CSMD2: variants seen among roughly 807,000 people sequenced by gnomAD.
CSMD2 encodes CUB and Sushi multiple domains 2, also known as CUB and sushi domain-containing protein 2.
In CSMD2, 130 loss-of-function variants were observed where a neutral mutation model predicts 398.5. That is an observed-to-expected ratio of 0.33 (90% CI 0.28 to 0.38). The LOEUF (loss-of-function observed/expected upper bound fraction) is 0.38. Ranked by LOEUF, CSMD2 falls within the 10% of genes least tolerant of loss-of-function variation. CSMD2 has a pLI of 1.00. For missense variants in CSMD2, 3,829 were observed against 4,764.9 expected (o/e 0.80, Z 5.78); for synonymous variants, 1,828 against 1,908.5 (o/e 0.96, Z 1.10).
intron 60 of CSMD2, among the ~76,000 whole-genome samples, chr1:33,538,269 C>A (rs1655991392): frequency 6.6e-6 from 1 of 152,104 alleles, no homozygotes; most frequent in Non-Finnish European, 1.5e-5. Flanking sequence ...CTGAACACAT[C>A]CACAGCTCTT....
intron 2 of CSMD2, among the ~76,000 whole-genome samples, chr1:34,060,873 C>T (rs1430383899): frequency 6.6e-6 from 1 of 152,102 alleles, no homozygotes; most frequent in African/African-American, 2.4e-5. Flanking sequence ...TTCGTGGTCC[C>T]TGTTCCTCCC....
rs1283736318 is a variant in CSMD2, at chr1:33,537,577, G to C, written c.9664C>G (p.Arg3222Gly). Reference protein sequence around the residue: ...VFCGDPGVPSRGRREDRGFSY... With the variant: ...VFCGDPGVPSGGRREDRGFSY... ...AAGCCTCGGTCCTCTCTCCTCCCAC[G>C]GGACGGGACACCAGGATCCCCGCAG... The change falls in exon 61 of 71, where the codon CGT (arginine) becomes GGT (glycine). Residue 3222 changes from arginine to glycine, a missense_variant. By Grantham distance (125) the Arg-to-Gly change is moderately radical. This residue lies in a region of CSMD2 where 917 missense variants were observed against 1,199.5 expected (regional missense o/e 0.76). Transcript: ENST00000373381. The surrounding 1 kb of genome is among the most constrained non-coding windows in gnomAD (Gnocchi z 4.6). 1 of 1,614,020 alleles carries C rather than the reference G, an allele frequency of 6.2e-7. No individual in the cohort carries two copies. Among genetic ancestry groups the C allele is most frequent in the South Asian group, 1.1e-5 (1 of 91,062 alleles).
At chr1:33,573,550 G>T (rs1241024377) in intron 49 of CSMD2, among the ~76,000 whole-genome samples, 1 of 151,658 alleles carries the variant, frequency 6.6e-6, no homozygotes, top group African/African-American at 2.4e-5. Flanking sequence ...CAAACTCTTT[G>T]AAATGAAAAA....
rs191337235 is a variant in CSMD2, at chr1:34,100,209, A to T, written c.188-11016T>A. Among the ~76,000 whole-genome samples the T allele has an allele frequency of 3.9e-5, 6 of 152,290 alleles. No homozygotes were observed. In the East Asian group the frequency reaches 1.2e-3, roughly 29 times the overall value. On this transcript the variant is annotated intron_variant, in intron 1 of 70. Transcript: ENST00000373381. ...TTTAAAAAGGCAATGTGGACTTGTA[A>T]TATGCATAGATATGCACATACGCAA...
In CSMD2 at chr1:33,523,386, A is replaced by G. The variant is rs781410958; in HGVS notation, c.10430T>C (p.Leu3477Pro). The G allele has an allele frequency of 1.3e-6, 2 of 1,575,682 alleles. No individual in the cohort carries two copies. Among genetic ancestry groups the G allele is most frequent in the African/African-American group, 1.3e-5 (1 of 74,218 alleles). Residue 3477 changes from leucine (L) to proline (P), a missense_variant, in exon 67 of 71, where the codon CTC (leucine) becomes CCC (proline). Physicochemically the swap from Leu to Pro is moderately conservative, Grantham distance 98. Transcript: ENST00000373381. ...TYKKEDFHLL[L>P]QVYQITGPVE... ...AGGCCCTGTAATCTGGTACACCTGG[A>G]GTAGGAGATGAAAATCTTCTTTCTT...
At chr1:33,907,443 A>G (rs1476931197) in intron 5 of CSMD2, among the ~76,000 whole-genome samples, 1 of 151,966 alleles carries the variant, frequency 6.6e-6, no homozygotes, top group Non-Finnish European at 1.5e-5. Context: ...TCATCATCTT[A>G]ATGTGAGTGA....
At chr1:34,148,008 T>C (rs752814065) in intron 1 of CSMD2, among the ~76,000 whole-genome samples, 4 of 150,720 alleles carry the variant, frequency 2.7e-5, no homozygotes, top group South Asian at 2.1e-4. Context: ...AGGGACTGAG[T>C]TGAGAGGGAG....
chr1:33,664,423 T>A (rs142161077), intron 25 of CSMD2, among the ~76,000 whole-genome samples: 1 of 152,328 alleles, frequency 6.6e-6, no homozygotes, highest in Non-Finnish European at 1.5e-5. Context: ...GCAAGGAACA[T>A]TTGCATCTTT....
intron 1 of CSMD2, among the ~76,000 whole-genome samples, chr1:34,114,362 TA>T (rs369547852): frequency 0.033 from 4,649 of 139,452 alleles, 111 homozygotes; most frequent in African/African-American, 0.063. Flanking sequence ...AAAGCACACT[TA>T]AAAAAAAAAA....
At chr1:33,668,643 T>C (rs76709071) in intron 25 of CSMD2, among the ~76,000 whole-genome samples, 1 of 152,330 alleles carries the variant, frequency 6.6e-6, no homozygotes, top group Non-Finnish European at 1.5e-5. Context: ...TGGCTTTTGA[T>C]ATCCTGAGAA....
At chr1:33,825,444 C>A (rs914445067) in intron 7 of CSMD2, among the ~76,000 whole-genome samples, 1 of 152,198 alleles carries the variant, frequency 6.6e-6, no homozygotes, top group Admixed American at 6.5e-5. Flanking sequence ...CCCTGGACTG[C>A]AGTTCAAATG....
chr1:34,092,774 C>A lies in CSMD2; in HGVS notation c.188-3581G>T, dbSNP rs553373932. 1.1e-3 allele frequency among the ~76,000 whole-genome samples: 164 copies of A among 152,318 alleles called. 1 individual carries two copies. The highest frequency in any genetic ancestry group is 1.9e-3 in the South Asian group (9 of 4,824). ...GAGGGTCCTACCCCACGGAGTCTCG[C>A]TGATTGCTAGCACAGCAGTCTGAGA... On this transcript the variant is annotated intron_variant, in intron 1 of 70. Coordinates refer to ENST00000373381, the MANE Select transcript of CSMD2 (RefSeq NM_001281956.2).
Position 33,614,585 on chromosome 1 carries a change from C to T in CSMD2, c.6052G>A (p.Val2018Met), listed in dbSNP as rs745778369. The T allele has an allele frequency of 5.0e-6, 8 of 1,611,684 alleles. No homozygotes were observed. In the South Asian group the frequency reaches 8.8e-5, roughly 18 times the overall value. ...CGGTVEEMEGVILSPGFPGNY... is the reference protein window; with the variant it reads ...CGGTVEEMEGMILSPGFPGNY... ...CCTGGGAAGCCGGGGCTCAGGATCA[C>T]CCCCTCCATCTCCTCCACTGTTCCC... The change falls in exon 40 of 71, where the codon GTG becomes ATG. Residue 2018 changes from valine (V) to methionine (M), a missense_variant. Val to Met is a conservative substitution (Grantham distance 21, BLOSUM62 1). Around this residue, in one of 5 missense-constraint regions of CSMD2, gnomAD observed 2,001 missense variants for 2,567.1 expected, o/e 0.78. Coordinates refer to ENST00000373381, the MANE Select transcript of CSMD2 (RefSeq NM_001281956.2).
Position 33,709,458 on chromosome 1 carries a change from G to A in CSMD2, c.3407-200C>T, listed in dbSNP as rs370559966. 1,540 of 559,636 alleles carry A rather than the reference G, an allele frequency of 2.8e-3. 50 individuals carry two copies. The South Asian group carries it at 0.037, about 13-fold the overall frequency. The allele number at this position is 559,636 out of a possible 1,614,324, so 34.7% of individuals were successfully genotyped here. A position where few individuals can be genotyped will look rare whatever the true frequency, so the allele number is the denominator to read the frequency against. On this transcript the variant is annotated intron_variant, in intron 21 of 70. Transcript: ENST00000373381. The stretch of plus-strand genomic sequence containing the variant: ...AAAAAAAAATACTTCCCTACCTATG[G>A]TGCTGCCTGCTTTGTTTCTGTCTCT...
intron 33 of CSMD2, 41 bp downstream of exon 33, chr1:33,626,445 C>T (rs761698476): frequency 1.3e-5 from 19 of 1,437,510 alleles, no homozygotes; most frequent in East Asian, 2.4e-5. Flanking sequence ...CCTTAAGAAC[C>T]GAGATCACCT....
At chr1:33,707,851 T>C (rs924164258) in intron 22 of CSMD2, among the ~76,000 whole-genome samples, 4 of 152,138 alleles carry the variant, frequency 2.6e-5, no homozygotes, top group African/African-American at 9.7e-5. Flanking sequence ...TCTGAAAGCA[T>C]GGAAATTTAA....
At chr1:34,034,947 T>C (rs2148163845) in intron 2 of CSMD2, among the ~76,000 whole-genome samples, 1 of 152,130 alleles carries the variant, frequency 6.6e-6, no homozygotes, top group South Asian at 2.1e-4. Context: ...AAAGATACAA[T>C]ACAAATTAAT....
At chr1:33,964,590 C>T (rs1295116474) in intron 3 of CSMD2, among the ~76,000 whole-genome samples, 1 of 152,232 alleles carries the variant, frequency 6.6e-6, no homozygotes, top group Non-Finnish European at 1.5e-5. Flanking sequence ...CCACTCCCAA[C>T]AAGACTTCTG....
At chr1:33,749,203 A>T (rs1037255053) in intron 13 of CSMD2, among the ~76,000 whole-genome samples, 118 of 141,104 alleles carry the variant, frequency 8.4e-4, no homozygotes, top group African/African-American at 3.0e-3. Context: ...GGTTCACGCC[A>T]TTCTCTTGCC....
Sources: allele counts gnomAD v4.1 joint callset (sites outside exome capture counted in the v4.1 genomes callset), GRCh38; gene constraint gnomAD v4.1.1; regional missense constraint gnomAD v4.1.1; non-coding constraint Gnocchi (gnomAD v3.1); transcripts MANE v1.5; gene names NCBI Gene and HGNC (gene_info 2026-07-23, HGNC 2026-07-21).